Variants in DLEC1 observed in about 807,000 individuals in gnomAD.
DLEC1 encodes the protein deleted in lung and esophageal cancer protein 1.
In DLEC1, 146 loss-of-function variants were observed where a neutral mutation model predicts 198.1. The ratio of observed to expected loss-of-function variants is 0.74; its 90% CI spans 0.64 to 0.85. The LOEUF is 0.85. Among genes scored for constraint, DLEC1 ranks in the 40% least tolerant of loss-of-function variants. DLEC1 has a pLI of 0.00. For synonymous variants in DLEC1, 897 were observed against 866.8 expected, an observed-to-expected ratio of 1.03 and a Z score of -0.61; for missense variants, 2,233 against 2,220.0, an observed-to-expected ratio of 1.01 and a Z score of -0.12.
chr3:38,090,958 G>A (rs1698717062), intron 10 of DLEC1, among the ~76,000 whole-genome samples: 1 of 152,010 alleles, frequency 6.6e-6, no homozygotes, highest in Non-Finnish European at 1.5e-5. Context: ...TGCTCTTCTA[G>A]ATTATTTTGA....
chr3:38,104,481 G>T (rs1392714893), intron 19 of DLEC1, among the ~76,000 whole-genome samples: 1 of 151,186 alleles, frequency 6.6e-6, no homozygotes, highest in Non-Finnish European at 1.5e-5. Flanking sequence ...CCCAAAAAAA[G>T]ATTTTTTTTT....
At chr3:38,048,258 CT>C (rs1233793795) in intron 2 of DLEC1, among the ~76,000 whole-genome samples, 4 of 152,190 alleles carry the variant, frequency 2.6e-5, no homozygotes, top group Non-Finnish European at 5.9e-5. Context: ...ACGCTGATTC[CT>C]TTTATTCCCT....
At chr3:38,040,077 T>C (rs1482509049) in intron 1 of DLEC1, among the ~76,000 whole-genome samples, 1 of 152,184 alleles carries the variant, frequency 6.6e-6, no homozygotes, top group Admixed American at 6.5e-5. Flanking sequence ...CAACTCTGCT[T>C]CCTCATCTGT....
chr3:38,084,518 GGTA>G lies in DLEC1; in HGVS notation c.1261+285_1261+287del, dbSNP rs1559430635. ...TAGTAGTAGTGGTAGTAGTAGTAGT[GGTA>G]GTAGTAGTAGTGGTGGTGGTAGTAG... On this transcript the variant is annotated intron_variant, in intron 7 of 36. Transcript: ENST00000308059. Among the ~76,000 whole-genome samples the G allele has an allele frequency of 3.6e-4, 28 of 78,276 alleles. 3 individuals are homozygous for G. The highest frequency in any genetic ancestry group is 9.3e-4 in the South Asian group (2 of 2,152). 51.4% of individuals were successfully genotyped at this position (78,276 alleles called of 152,430 possible).
In DLEC1 at chr3:38,095,041, C is replaced by T. The variant is rs780713197; in HGVS notation, c.2082C>T (p.His694=). ...GGGTTCTAAGCCCCCACACAGACCACGAGTTCATCCTGAGCTTTTCTCCTC... is the reference window on the plus strand; with the variant it reads ...GGGTTCTAAGCCCCCACACAGACCATGAGTTCATCCTGAGCTTTTCTCCTC... ...RKGVLSPHTD[H]EFILSFSPHE... is the part of the protein sequence containing the mutation. Residue 694 remains histidine, a synonymous_variant, in exon 13 of 37, where the codon CAC becomes CAT. Coordinates refer to ENST00000308059, the MANE Select transcript of DLEC1 (RefSeq NM_007335.4). 4.3e-6 allele frequency: 7 copies of T among 1,614,094 alleles called. No individual in the cohort carries two copies. The highest frequency in any genetic ancestry group is 1.3e-5 in the African/African-American group (1 of 74,942).
intron 10 of DLEC1, 135 bp downstream of exon 10, chr3:38,088,523 C>A: frequency 1.3e-6 from 1 of 756,162 alleles, no homozygotes; most frequent in Non-Finnish European, 2.2e-6. Flanking sequence ...CATATTCTTG[C>A]ATTCTGTAGG....
At chr3:38,059,619 C>T in intron 2 of DLEC1, 123 bp from the exon 3 acceptor site, 2 of 771,300 alleles carry the variant, frequency 2.6e-6, no homozygotes, top group South Asian at 1.8e-5. Context: ...AACATTCCCA[C>T]AGGTTTCTGA....
chr3:38,066,812 T>A (rs1418386502), intron 6 of DLEC1, among the ~76,000 whole-genome samples: 1 of 126,742 alleles, frequency 7.9e-6, no homozygotes. Flanking sequence ...TAGCTCTATA[T>A]GCTGAACATT....
chr3:38,068,620 G>A (rs1575414382), intron 6 of DLEC1, among the ~76,000 whole-genome samples: 2 of 152,356 alleles, frequency 1.3e-5, no homozygotes, highest in South Asian at 4.1e-4. Flanking sequence ...AGCAGTAGGT[G>A]TAGTGGGCAA....
chr3:38,104,494 T>C (rs1393404414), intron 19 of DLEC1, among the ~76,000 whole-genome samples: 1 of 152,204 alleles, frequency 6.6e-6, no homozygotes, highest in Non-Finnish European at 1.5e-5. Context: ...TTTTTTTTTT[T>C]TCTCAGTTTT....
chr3:38,064,837 C>G (rs552342096), intron 6 of DLEC1, among the ~76,000 whole-genome samples: 3 of 150,652 alleles, frequency 2.0e-5, no homozygotes, highest in African/African-American at 7.3e-5. Flanking sequence ...CAGGAAGAGG[C>G]GCTCCTCACT....
chr3:38,093,572 C>T, intron 11 of DLEC1, 33 bp from the exon 12 acceptor site: 1 of 1,613,194 alleles, frequency 6.2e-7, no homozygotes, highest in Non-Finnish European at 8.5e-7. Context: ...CCCTAGTGAG[C>T]CTTCACTGAC....
chr3:38,050,347 T>A (rs192599938), intron 2 of DLEC1, among the ~76,000 whole-genome samples: 14 of 152,304 alleles, frequency 9.2e-5, no homozygotes, highest in African/African-American at 3.4e-4. Flanking sequence ...TTGTTAATGA[T>A]GATGTCTTAG....
At chr3:38,122,239 A>AC (rs765783659) in intron 36 of DLEC1, 45 bp downstream of exon 36, 9 of 1,608,446 alleles carry the variant, frequency 5.6e-6, no homozygotes, top group African/African-American at 4.0e-5. Context: ...CAGAGCCTGG[A>AC]CCCCCTGCCC....
intron 5 of DLEC1, 39 bp downstream of exon 5, chr3:38,062,840 C>A (rs768130736): frequency 1.2e-6 from 2 of 1,601,282 alleles, no homozygotes; most frequent in Non-Finnish European, 8.5e-7. Context: ...GAAAACCTGG[C>A]CCATGAGAGT....
chr3:38,109,787 T>A (rs1029811662), intron 22 of DLEC1: 3 of 819,796 alleles, frequency 3.7e-6, no homozygotes, highest in Non-Finnish European at 5.6e-6. Flanking sequence ...GGAGGCGTGG[T>A]GCCCTGGCAG....
Position 38,080,548 on chromosome 3 carries a change from T to C in DLEC1, c.1174-3610T>C, listed in dbSNP as rs1253175114. Among the ~76,000 whole-genome samples the C allele has an allele frequency of 1.0e-3, 156 of 152,164 alleles. 1 individual carries two copies. Among genetic ancestry groups the C allele is most frequent in the Non-Finnish European group, 2.9e-4 (20 of 68,022 alleles). On this transcript the variant is annotated intron_variant, in intron 6 of 36. Transcript: ENST00000308059. ...TGACAATTATTTAGATCTTGTAGGA[T>C]GGAAAAATTGAAAGTGCCGTTTTCC...
chr3:38,048,057 G>A (rs1014702516), intron 2 of DLEC1, among the ~76,000 whole-genome samples: 1 of 152,180 alleles, frequency 6.6e-6, no homozygotes, highest in African/African-American at 2.4e-5. Flanking sequence ...TTTCATGACT[G>A]CAAATTATTT....
rs1333890020 is a variant in DLEC1 at position 38,062,717 on chromosome 3, C to T, written c.1010C>T (p.Thr337Ile). ...AATCCCCGTTTTTTTCCTCCTAACA[C>T]TCGATATGGAGGCAAGTCTCTTGTT... is the stretch of plus-strand genomic sequence containing the variant. The part of the protein sequence containing the change: ...LKNPRFFPPN[T>I]RYGGKSLVFP... The change falls in exon 5 of 37, where the codon ACT (threonine) becomes ATT (isoleucine). Residue 337 changes from threonine (T) to isoleucine (I), a missense_variant. Transcript: ENST00000308059. The T allele has an allele frequency of 4.3e-6, 7 of 1,613,998 alleles. No individual in the cohort carries two copies. The highest frequency in any genetic ancestry group is 4.5e-5 in the East Asian group (2 of 44,894).
Sources: allele counts gnomAD v4.1 joint callset (sites outside exome capture counted in the v4.1 genomes callset), GRCh38; gene constraint gnomAD v4.1.1; transcripts MANE v1.5; gene names NCBI Gene and HGNC (gene_info 2026-07-23, HGNC 2026-07-21).